ACHE: variants seen among roughly 807,000 people sequenced by gnomAD.
ACHE encodes the protein acetylcholinesterase.
A neutral mutation model predicts 53.9 loss-of-function variants in ACHE; 19 were observed. That is an observed-to-expected ratio of 0.35 (90% CI 0.25 to 0.52). The LOEUF is 0.52. Among genes scored for constraint, ACHE ranks in the 20% least tolerant of loss-of-function variants. ACHE has a pLI of 0.95. For missense variants in ACHE, 605 were observed against 849.4 expected, an observed-to-expected ratio of 0.71 and a Z score of 3.58; for synonymous variants, 392 against 378.1, an observed-to-expected ratio of 1.04 and a Z score of -0.43.
rs1440978661 is a variant in ACHE, at chr7:100,892,771, G to A, written c.1116C>T (p.Tyr372=). 13 of 1,606,286 alleles carry A rather than the reference G, an allele frequency of 8.1e-6. No individual in the cohort carries two copies. Among genetic ancestry groups the A allele is most frequent in the Middle Eastern group, 1.6e-4 (1 of 6,074 alleles). The change falls in exon 3 of 5, where the codon TAC becomes TAT. Residue 372 remains tyrosine, a synonymous_variant. Coordinates refer to ENST00000241069, the MANE Select transcript of ACHE (RefSeq NM_000665.5). The surrounding 1 kb of genome is among the most constrained non-coding windows in gnomAD (Gnocchi z 5.2). ...VKDEGSYFLV[Y]GAPGFSKDNE... Reference sequence around the variant, plus strand: ...TGTCTTTGCTGAAGCCTGGGGCCCCGTAAACCAGAAAATACGAGCCCTCAT... The same window carrying A: ...TGTCTTTGCTGAAGCCTGGGGCCCCATAAACCAGAAAATACGAGCCCTCAT...
chr7:100,893,120 T>C (rs777248707), intron 2 of ACHE, 45 bp downstream of exon 2: 6 of 1,584,966 alleles, frequency 3.8e-6, no homozygotes, highest in Non-Finnish European at 5.2e-6. Flanking sequence ...GAGGGACCGT[T>C]GGGACCCAGA....
intron 3 of ACHE, 73 bp from the exon 4 acceptor site, chr7:100,891,411 G>A: frequency 3.5e-6 from 5 of 1,440,420 alleles, no homozygotes; most frequent in Non-Finnish European, 4.6e-6. Context: ...CGGGATCCCG[G>A]ACTCTTCAGC....
chr7:100,890,407 C>T, intron 4 of ACHE, 72 bp from the exon 5 acceptor site: 5 of 1,550,918 alleles, frequency 3.2e-6, no homozygotes, highest in Non-Finnish European at 4.4e-6. Flanking sequence ...GACATTTGGG[C>T]GGGTTGAAGG....
chr7:100,893,041 G>A, intron 2 of ACHE, 124 bp downstream of exon 2: 1 of 1,267,996 alleles, frequency 7.9e-7, no homozygotes, highest in Non-Finnish European at 1.1e-6. Flanking sequence ...TGAGCCCTCA[G>A]GGAGGACTTC....
At position 100,890,279 on chromosome 7, in the gene ACHE, AGGAGCTCCAGCGGT is replaced by A. The variant is rs779316925; in HGVS notation, c.1766_1779del (p.His589LeufsTer37). ...AACTGGTTCTTCCAGTGCACCATGT[AGGAGCTCCAGCGGT>A]GGAACTCGGCCTTCCACTGGCGCTC... On this transcript the variant is annotated frameshift_variant, in exon 5 of 5. Coordinates refer to ENST00000241069, the MANE Select transcript of ACHE (RefSeq NM_000665.5). LOFTEE classifies it high-confidence loss of function. 6.2e-7 allele frequency: 1 copy of A among 1,611,856 alleles called. No homozygotes were observed. The highest frequency in any genetic ancestry group is 8.5e-7 in the Non-Finnish European group (1 of 1,179,000).
At position 100,893,327 on chromosome 7, in the gene ACHE, G is replaced by A. The variant is rs1479979286; in HGVS notation, c.906C>T (p.Ala302=). 1.9e-6 allele frequency: 3 copies of A among 1,613,776 alleles called. No homozygotes were observed. Among genetic ancestry groups the A allele is most frequent in the Non-Finnish European group, 2.5e-6 (3 of 1,180,028 alleles). Residue 302 remains alanine, a synonymous_variant, in exon 2 of 5, where the codon GCC becomes GCT. Coordinates refer to ENST00000241069, the MANE Select transcript of ACHE (RefSeq NM_000665.5). The part of the protein sequence containing the change: ...GTGGNDTELV[A]CLRTRPAQVL... Reference sequence around the variant, plus strand: ...CCTGCGCTGGTCGTGTCCGAAGGCAGGCTACCAGCTCTGTGTCATTCCCAC... The same window carrying A: ...CCTGCGCTGGTCGTGTCCGAAGGCAAGCTACCAGCTCTGTGTCATTCCCAC...
In ACHE at chr7:100,893,706, A is replaced by G; in HGVS notation, c.527T>C (p.Val176Ala). ...GRFLVQAERTVLVSMNYRVGA... is the reference protein window; with the variant it reads ...GRFLVQAERTALVSMNYRVGA... ...CACCCGGTAGTTCATGGACACCAGC[A>G]CAGTCCTCTCGGCCTGTACCAAGAA... is the stretch of plus-strand genomic sequence containing the variant. Residue 176 changes from valine (V) to alanine (A), a missense_variant, in exon 2 of 5, where the codon GTG (valine) becomes GCG (alanine). Val to Ala is a moderately conservative substitution (Grantham distance 64). Around this residue, in one of 4 missense-constraint regions of ACHE, gnomAD observed 397 missense variants for 632.5 expected, o/e 0.63. Transcript: ENST00000241069. 1.2e-6 allele frequency: 2 copies of G among 1,613,494 alleles called. No homozygotes were observed.
In ACHE at chr7:100,894,221, C is replaced by T. The variant is rs759335567; in HGVS notation, c.12G>A (p.Pro4=). Reference sequence around the variant, plus strand: ...GGGAAGGCGTGTGCAGCAGACACTGCGGGGGCCTCATGGCTGCAGGGCAGG... The same window carrying T: ...GGGAAGGCGTGTGCAGCAGACACTGTGGGGGCCTCATGGCTGCAGGGCAGG... MRP[P]QCLLHTPSLA... Residue 4 remains proline (P), a synonymous_variant, in exon 2 of 5, where the codon CCG becomes CCA. Coordinates refer to ENST00000241069, the MANE Select transcript of ACHE (RefSeq NM_000665.5). The T allele has an allele frequency of 6.2e-6, 9 of 1,446,922 alleles. No homozygotes were observed. Among genetic ancestry groups the T allele is most frequent in the African/African-American group, 4.3e-5 (3 of 70,204 alleles). The allele number at this position is 1,446,922 out of a possible 1,614,324, so 89.6% of individuals were successfully genotyped here.
chr7:100,890,997 C>A, intron 4 of ACHE, 172 bp downstream of exon 4: 1 of 1,458,568 alleles, frequency 6.9e-7, no homozygotes, highest in South Asian at 1.4e-5. Flanking sequence ...GGAGGAGAAG[C>A]TGGTGGAGGA....
In ACHE at chr7:100,892,306, C is replaced by T. The variant is rs752130937; in HGVS notation, c.1553+28G>A. The T allele has an allele frequency of 1.1e-5, 17 of 1,487,262 alleles. No individual in the cohort carries two copies. Among genetic ancestry groups the T allele is most frequent in the Non-Finnish European group, 1.4e-5 (16 of 1,115,122 alleles). The allele number at this position is 1,487,262 out of a possible 1,614,324, so 92.1% of individuals were successfully genotyped here. On this transcript the variant is annotated intron_variant, in intron 3 of 4. Coordinates refer to ENST00000241069, the MANE Select transcript of ACHE (RefSeq NM_000665.5). This position sits in a 1 kb window ranked among gnomAD's most constrained non-coding sequence, Gnocchi z 5.2. ...TCCCGCCCCCGACTCCTGTCCTCCC[C>T]AGCCTTCTCTCCCTCTGCACTGCTG...
chr7:100,893,525 T>G lies in ACHE; in HGVS notation c.708A>C (p.Gly236=), dbSNP rs754080754. 1.9e-6 allele frequency: 3 copies of G among 1,609,378 alleles called. No homozygotes were observed. Among genetic ancestry groups the G allele is most frequent in the Non-Finnish European group, 2.5e-6 (3 of 1,179,938 alleles). The change falls in exon 2 of 5, where the codon GGA becomes GGC. Residue 236 remains glycine (G), a synonymous_variant. Transcript: ENST00000241069. Reference sequence around the variant, plus strand: ...GCAGGTGCATGCCCACCGAGGCGGCTCCCGCGCTCTCCCCAAACAGCGTCA... The same window carrying G: ...GCAGGTGCATGCCCACCGAGGCGGCGCCCGCGCTCTCCCCAAACAGCGTCA... ...TSVTLFGESA[G]AASVGMHLLS...
At chr7:100,894,372 C>A in intron 1 of ACHE, 120 bp from the exon 2 acceptor site, 6 of 575,712 alleles carry the variant, frequency 1.0e-5, no homozygotes, top group Non-Finnish European at 1.4e-5. Context: ...GGCAGGTTGG[C>A]AAAGATGAGG....
intron 2 of ACHE, 73 bp downstream of exon 2, chr7:100,893,092 G>A (rs1790799752): frequency 6.8e-7 from 1 of 1,470,650 alleles, no homozygotes; most frequent in Admixed American, 1.9e-5. Flanking sequence ...CCTCATGCCT[G>A]GGTCCCTGCA....
In ACHE at chr7:100,892,042, C is replaced by T. The variant is rs535238182; in HGVS notation, c.1553+292G>A. Among the ~76,000 whole-genome samples, 1 of 152,168 alleles carries T rather than the reference C, an allele frequency of 6.6e-6. No individual in the cohort carries two copies. Among genetic ancestry groups the T allele is most frequent in the African/African-American group, 2.4e-5 (1 of 41,512 alleles). On this transcript the variant is annotated intron_variant, in intron 3 of 4. Coordinates refer to ENST00000241069, the MANE Select transcript of ACHE (RefSeq NM_000665.5). This position sits in a 1 kb window ranked among gnomAD's most constrained non-coding sequence, Gnocchi z 5.2. ...GCCTCAGGGGATCCTCCCACCTTGG[C>T]CTCCCAAAGGGCTGGAATTACAGGG... is the stretch of plus-strand genomic sequence containing the variant.
intron 2 of ACHE, 39 bp downstream of exon 2, chr7:100,893,126 C>T: frequency 6.3e-7 from 1 of 1,597,572 alleles, no homozygotes; most frequent in Non-Finnish European, 8.5e-7. Context: ...CCGTTGGGAC[C>T]CAGAGGAGCC....
rs1790586056 is a variant in ACHE, at chr7:100,890,310, C to T, written c.1749G>A (p.Gln583=). 2.5e-6 allele frequency: 4 copies of T among 1,606,766 alleles called. No individual in the cohort carries two copies. The South Asian group carries it at 3.3e-5, about 13-fold the overall frequency. Reference sequence around the variant, plus strand: ...TCCAGCGGTGGAACTCGGCCTTCCACTGGCGCTCCGCCTCGTCGAGCGTGT... The same window carrying T: ...TCCAGCGGTGGAACTCGGCCTTCCATTGGCGCTCCGCCTCGTCGAGCGTGT... The part of the protein sequence containing the change: ...ATDTLDEAER[Q]WKAEFHRWSS... Residue 583 remains glutamine (Q), a synonymous_variant, in exon 5 of 5, where the codon CAG becomes CAA. Coordinates refer to ENST00000241069, the MANE Select transcript of ACHE (RefSeq NM_000665.5).
intron 1 of ACHE, among the ~76,000 whole-genome samples, chr7:100,895,409 G>A (rs1265683800): frequency 1.0e-5 from 1 of 98,114 alleles, no homozygotes; most frequent in African/African-American, 4.2e-5. Context: ...TCTGCGGGGC[G>A]CTGCGCAGGG....
In ACHE at chr7:100,890,568, A is replaced by G. The variant is rs966725225; in HGVS notation, c.1724-233T>C. On this transcript the variant is annotated intron_variant, in intron 4 of 4. Transcript: ENST00000241069. ...GACAGCAGGAAGGAGAGAGGAGGAGAAAAGAATGACCGGAAGACGGGAACA... is the reference window on the plus strand; with the variant it reads ...GACAGCAGGAAGGAGAGAGGAGGAGGAAAGAATGACCGGAAGACGGGAACA... 34 of 1,389,452 alleles carry G rather than the reference A, an allele frequency of 2.4e-5. No homozygotes were observed. The South Asian group carries it at 3.5e-4, about 14-fold the overall frequency. 86.1% of individuals were successfully genotyped at this position (1,389,452 alleles called of 1,614,324 possible). A position where few individuals can be genotyped will look rare whatever the true frequency, so the allele number is the denominator to read the frequency against.
chr7:100,894,724 T>C (rs1033541143), intron 1 of ACHE, among the ~76,000 whole-genome samples: 1 of 151,894 alleles, frequency 6.6e-6, no homozygotes, highest in African/African-American at 2.4e-5. Context: ...GGCGGTGGGC[T>C]GGGCATTCAG....
Sources: gnomAD v4.1 joint callset for allele counts (sites outside exome capture counted in the v4.1 genomes callset) on GRCh38, gnomAD v4.1.1 for gene constraint, gnomAD v4.1.1 regional missense constraint, Gnocchi (gnomAD v3.1) non-coding constraint, MANE v1.5 for transcripts, NCBI Gene and HGNC (gene_info 2026-07-23, HGNC 2026-07-21) for gene names.